The following ATP2B2 variants were observed in gnomAD, a reference collection of about 807,000 sequenced individuals.
ATP2B2 encodes plasma membrane calcium-transporting ATPase 2.
Under a neutral mutation model 120.0 loss-of-function variants are expected in ATP2B2, and 15 were observed. That is an observed-to-expected ratio of 0.12 (90% CI 0.08 to 0.19). The LOEUF (loss-of-function observed/expected upper bound fraction) is 0.19, where lower values mean the gene tolerates loss of function less well. ATP2B2 is among the 10% of genes least tolerant of loss of function. The pLI, the probability that ATP2B2 is intolerant of heterozygous loss-of-function variation, is 1.00. For missense variants in ATP2B2, 1,045 were observed against 1,719.8 expected, an observed-to-expected ratio of 0.61 and a Z score of 6.94; for synonymous variants, 694 against 700.3, an observed-to-expected ratio of 0.99 and a Z score of 0.14.
intron 21 of ATP2B2, among the ~76,000 whole-genome samples, chr3:10,339,648 C>G (rs1289536111): frequency 6.6e-6 from 1 of 152,228 alleles, no homozygotes; most frequent in Admixed American, 6.5e-5. Flanking sequence ...AGAGCTGGGG[C>G]AGGCACAGCA....
intron 5 of ATP2B2, among the ~76,000 whole-genome samples, chr3:10,400,514 G>T (rs544722505): frequency 5.9e-5 from 9 of 152,150 alleles, no homozygotes; most frequent in Non-Finnish European, 1.2e-4. Context: ...TCCTCACTCC[G>T]CCACAAGCTC....
chr3:10,544,128 T>G (rs1287414872), intron 2 of ATP2B2, among the ~76,000 whole-genome samples: 2 of 152,170 alleles, frequency 1.3e-5, no homozygotes, highest in Non-Finnish European at 1.5e-5. Flanking sequence ...CAAACCTCAG[T>G]CAATCAAATA....
In ATP2B2 at chr3:10,666,687, C is replaced by T. The variant is rs187593967; in HGVS notation, c.-460+41228G>A. 1.2e-3 allele frequency among the ~76,000 whole-genome samples: 187 copies of T among 152,324 alleles called. 2 individuals are homozygous for T. Among genetic ancestry groups the T allele is most frequent in the African/African-American group, 4.0e-3 (168 of 41,574 alleles). ...GATGGGTGGAAGCCCAGAGAACAGG[C>T]CAATGGATGAATGAAGGAGGCTCAG... is the stretch of plus-strand genomic sequence containing the variant. On this transcript the variant is annotated intron_variant, in intron 1 of 21. Coordinates refer to the ATP2B2 transcript ENST00000646379.
chr3:10,551,209 C>G (rs2067662433), intron 2 of ATP2B2, among the ~76,000 whole-genome samples: 1 of 152,248 alleles, frequency 6.6e-6, no homozygotes, highest in African/African-American at 2.4e-5. Flanking sequence ...AGCTCAGCTC[C>G]TATTCTTAAG....
chr3:10,381,673 T>C (rs2061534667), intron 8 of ATP2B2, among the ~76,000 whole-genome samples: 1 of 152,228 alleles, frequency 6.6e-6, no homozygotes, highest in African/African-American at 2.4e-5. Flanking sequence ...AACAGCCAGC[T>C]TTGGCCCCAT....
intron 2 of ATP2B2, among the ~76,000 whole-genome samples, chr3:10,595,402 G>C (rs906439876): frequency 6.6e-6 from 1 of 152,196 alleles, no homozygotes; most frequent in Non-Finnish European, 1.5e-5. Context: ...AGAGTTCTCA[G>C]TGGAATAATA....
At chr3:10,370,476 C>T (rs1425583462) in intron 12 of ATP2B2, among the ~76,000 whole-genome samples, 9 of 152,154 alleles carry the variant, frequency 5.9e-5, no homozygotes, top group African/African-American at 7.2e-5. Context: ...TTGGCATCAC[C>T]GCCAGGGTTC....
Position 10,340,737 on chromosome 3 carries a change from G to C in ATP2B2, c.2918-33C>G. The C allele has an allele frequency of 6.2e-7, 1 of 1,611,034 alleles. No individual in the cohort carries two copies. Among genetic ancestry groups the C allele is most frequent in the East Asian group, 2.2e-5 (1 of 44,850 alleles). On this transcript the variant is annotated intron_variant, in intron 19 of 22. Coordinates refer to ENST00000360273, the MANE Select transcript of ATP2B2 (RefSeq NM_001001331.4). This position sits in a 1 kb window ranked among gnomAD's most constrained non-coding sequence, Gnocchi z 5.0. Reference sequence around the variant, plus strand: ...GTGAGAGAGTGGGGCTGGGCTGAAGGCAGTGGTGGGGGAATCAGAGGGGAG... The same window carrying C: ...GTGAGAGAGTGGGGCTGGGCTGAAGCCAGTGGTGGGGGAATCAGAGGGGAG...
chr3:10,505,829 G>C (rs1382349673), upstream of ATP2B2, among the ~76,000 whole-genome samples: 1 of 151,152 alleles, frequency 6.6e-6, no homozygotes, highest in Admixed American at 6.6e-5. Flanking sequence ...CCACCACGCT[G>C]TTGTTTGCGG....
chr3:10,533,090 T>TG (rs1462565732), intron 3 of ATP2B2, among the ~76,000 whole-genome samples: 3 of 152,212 alleles, frequency 2.0e-5, no homozygotes, highest in Non-Finnish European at 4.4e-5. Context: ...GTTGGGTCCA[T>TG]GGGGCATGCA....
chr3:10,633,836 T>G (rs2125642243), intron 1 of ATP2B2, among the ~76,000 whole-genome samples: 1 of 152,296 alleles, frequency 6.6e-6, no homozygotes, highest in East Asian at 1.9e-4. Flanking sequence ...CAACAGTTAT[T>G]CTCCTCCCCA....
intron 3 of ATP2B2, among the ~76,000 whole-genome samples, chr3:10,532,048 C>A (rs7643530): frequency 0.31 from 47,361 of 150,492 alleles, 7,783 homozygotes; most frequent in South Asian, 0.44. Flanking sequence ...GTGCCCCTCA[C>A]CCCCCCATCC....
At chr3:10,394,029 A>G (rs2061946829) in intron 5 of ATP2B2, among the ~76,000 whole-genome samples, 1 of 152,176 alleles carries the variant, frequency 6.6e-6, no homozygotes, top group South Asian at 2.1e-4. Context: ...CTGAGCCCAG[A>G]TAAGGCGAAT....
In ATP2B2 at chr3:10,483,153, G is replaced by A. The variant is rs185742585; in HGVS notation, c.-320+22312C>T. Among the ~76,000 whole-genome samples the A allele has an allele frequency of 4.4e-3, 669 of 152,322 alleles. 11 individuals carry two copies. The highest frequency in any genetic ancestry group is 0.028 in the Admixed American group (431 of 15,306). Reference sequence around the variant, plus strand: ...CCCTGGTGAGGGTAATGTCGGGGCCGACAAAACTGCTGCCATTTCTGGAGT... The same window carrying A: ...CCCTGGTGAGGGTAATGTCGGGGCCAACAAAACTGCTGCCATTTCTGGAGT... On this transcript the variant is annotated intron_variant, in intron 1 of 22. Transcript: ENST00000360273.
In ATP2B2 at chr3:10,450,748, G is replaced by GGAGCTCT. The variant is rs1559354404; in HGVS notation, c.-319-893_-319-887dup. ...CCTCTCTGGAGCCCAGGAGGAGGTG[G>GGAGCTCT]GAGCTCTGGCTTCTCCCTGCCCGCC... is the stretch of plus-strand genomic sequence containing the variant. On this transcript the variant is annotated intron_variant, in intron 1 of 22. Transcript: ENST00000360273. 2.6e-5 allele frequency among the ~76,000 whole-genome samples: 4 copies of GGAGCTCT among 152,320 alleles called. No homozygotes were observed. The South Asian group carries it at 8.3e-4, about 32-fold the overall frequency.
chr3:10,433,684 G>T (rs934920380), intron 2 of ATP2B2, among the ~76,000 whole-genome samples: 4 of 152,162 alleles, frequency 2.6e-5, no homozygotes, highest in Admixed American at 2.6e-4. Flanking sequence ...TAGGGGATTT[G>T]AAAATACTGA....
At chr3:10,512,717 G>T (rs2066796742) in intron 3 of ATP2B2, among the ~76,000 whole-genome samples, 1 of 152,224 alleles carries the variant, frequency 6.6e-6, no homozygotes, top group African/African-American at 2.4e-5. Flanking sequence ...CAGGCAGCCA[G>T]GGTCTCAGAA....
At chr3:10,664,089 C>T (rs560123052) in intron 1 of ATP2B2, among the ~76,000 whole-genome samples, 9 of 152,170 alleles carry the variant, frequency 5.9e-5, no homozygotes, top group South Asian at 4.2e-4. Context: ...CTGACAGGTG[C>T]GGAAATAGAG....
chr3:10,337,604 C>T (rs1170525801), intron 22 of ATP2B2, among the ~76,000 whole-genome samples: 1 of 152,164 alleles, frequency 6.6e-6, no homozygotes, highest in Non-Finnish European at 1.5e-5. Flanking sequence ...CTACGCCCTG[C>T]ACCTGTGCTC....
Sources: allele counts gnomAD v4.1 joint callset (sites outside exome capture counted in the v4.1 genomes callset), GRCh38; gene constraint gnomAD v4.1.1; non-coding constraint Gnocchi (gnomAD v3.1); transcripts MANE v1.5; gene names NCBI Gene and HGNC (gene_info 2026-07-23, HGNC 2026-07-21).